CADPS2: variants seen among roughly 807,000 people sequenced by gnomAD.
CADPS2 encodes the protein calcium dependent secretion activator 2.
A neutral mutation model predicts 172.5 loss-of-function variants in CADPS2; 93 were observed. That is an observed-to-expected ratio of 0.54 (90% CI 0.46 to 0.64). The LOEUF is 0.64. Among genes scored for constraint, CADPS2 ranks in the 30% least tolerant of loss-of-function variants. The pLI, the probability that CADPS2 is intolerant of heterozygous loss-of-function variation, is 0.00. For missense variants in CADPS2, 1,420 were observed against 1,565.9 expected (o/e 0.91, Z 1.57); for synonymous variants, 546 against 555.2 (o/e 0.98, Z 0.23).
chr7:122,675,224 C>T (rs974889738), intron 2 of CADPS2, among the ~76,000 whole-genome samples: 1 of 152,180 alleles, frequency 6.6e-6, no homozygotes, highest in Non-Finnish European at 1.5e-5. Context: ...TCACACAAAA[C>T]GGAGTCCTCT....
chr7:122,594,783 T>C (rs2071484349), intron 6 of CADPS2, among the ~76,000 whole-genome samples: 1 of 151,692 alleles, frequency 6.6e-6, no homozygotes, highest in Non-Finnish European at 1.5e-5. Context: ...TGGCTTACAA[T>C]TTTACTTGAC....
chr7:122,870,251 G>T (rs1449092124), intron 1 of CADPS2, among the ~76,000 whole-genome samples: 2 of 151,972 alleles, frequency 1.3e-5, no homozygotes, highest in Non-Finnish European at 2.9e-5. Context: ...GATTCAAAGT[G>T]AAGGGAAGAA....
At chr7:122,757,011 C>A (rs931770882) in intron 1 of CADPS2, among the ~76,000 whole-genome samples, 6 of 152,140 alleles carry the variant, frequency 3.9e-5, no homozygotes, top group Non-Finnish European at 8.8e-5. Flanking sequence ...ACTCCACGGA[C>A]ACCTTTGACA....
chr7:122,839,463 A>G (rs1809690857), intron 1 of CADPS2, among the ~76,000 whole-genome samples: 1 of 152,226 alleles, frequency 6.6e-6, no homozygotes, highest in South Asian at 2.1e-4. Flanking sequence ...TCTGCACAGC[A>G]AAAGAAACTA....
At chr7:122,381,211 G>A (rs1389682759) in intron 24 of CADPS2, among the ~76,000 whole-genome samples, 2 of 152,112 alleles carry the variant, frequency 1.3e-5, no homozygotes, top group Non-Finnish European at 2.9e-5. Flanking sequence ...AATGAGCTCT[G>A]CCTGGCTCTC....
chr7:122,860,914 TTC>T (rs745822121), intron 1 of CADPS2, among the ~76,000 whole-genome samples: 19 of 152,348 alleles, frequency 1.2e-4, no homozygotes, highest in Non-Finnish European at 2.6e-4. Context: ...CAGAATTTCA[TTC>T]TTTTTAATAG....
At chr7:122,868,386 C>T (rs1818834282) in intron 1 of CADPS2, among the ~76,000 whole-genome samples, 1 of 152,086 alleles carries the variant, frequency 6.6e-6, no homozygotes, top group Admixed American at 6.6e-5. Flanking sequence ...TCCAGCTCTC[C>T]ACTTCTCAAA....
rs182822621 is a variant in CADPS2, at chr7:122,326,822, T to C, written c.3613-1241A>G. On this transcript the variant is annotated intron_variant, in intron 28 of 29. Coordinates refer to ENST00000449022, the MANE Select transcript of CADPS2 (RefSeq NM_017954.11). ...ATTTAGTTTAACAAGAAATGGTATT[T>C]TAAGTATAAATTAAAAATGAATTTT... Among the ~76,000 whole-genome samples, 555 of 152,196 alleles carry C rather than the reference T, an allele frequency of 3.6e-3. 3 individuals carry two copies. The highest frequency in any genetic ancestry group is 6.5e-3 in the Non-Finnish European group (441 of 67,916).
chr7:122,527,625 T>A (rs868185245), intron 8 of CADPS2, among the ~76,000 whole-genome samples: 12,153 of 101,518 alleles, frequency 0.12, 501 homozygotes, highest in African/African-American at 0.15. Flanking sequence ...AGAGTGTGTG[T>A]GTGTGTGTGT....
intron 1 of CADPS2, among the ~76,000 whole-genome samples, chr7:122,761,219 C>G (rs1175362523): frequency 3.3e-5 from 5 of 152,062 alleles, no homozygotes; most frequent in African/African-American, 9.7e-5. Context: ...AAGTGGGATG[C>G]AATACTGAAA....
intron 2 of CADPS2, among the ~76,000 whole-genome samples, chr7:122,706,801 C>T (rs7788214): frequency 0.99 from 146,818 of 148,152 alleles, 72,752 homozygotes; most frequent in Middle Eastern, 1. Flanking sequence ...TATATATATA[C>T]ACACACACAC....
chr7:122,878,820 T>C (rs1822059037), intron 1 of CADPS2, among the ~76,000 whole-genome samples: 1 of 152,196 alleles, frequency 6.6e-6, no homozygotes, highest in South Asian at 2.1e-4. Flanking sequence ...ATTTTCTTAC[T>C]ATATCCTCGG....
chr7:122,757,408 A>G (rs1416084099), intron 1 of CADPS2, among the ~76,000 whole-genome samples: 1 of 152,050 alleles, frequency 6.6e-6, no homozygotes, highest in African/African-American at 2.4e-5. Flanking sequence ...TCAGCCACCC[A>G]AAGTGCTGGG....
At chr7:122,579,838 A>C (rs1563762855) in intron 7 of CADPS2, among the ~76,000 whole-genome samples, 1 of 152,084 alleles carries the variant, frequency 6.6e-6, no homozygotes, top group Non-Finnish European at 1.5e-5. Context: ...TACACATATC[A>C]ATAAAATGGA....
At chr7:122,705,526 G>A (rs4727947) in intron 2 of CADPS2, among the ~76,000 whole-genome samples, 92,725 of 94,232 alleles carry the variant, frequency 0.98, 45,623 homozygotes, top group Non-Finnish European at 1. Context: ...TTTATATTGT[G>A]TATTATCTAT....
chr7:122,546,063 T>C (rs1223346745), intron 8 of CADPS2, among the ~76,000 whole-genome samples: 1 of 152,166 alleles, frequency 6.6e-6, no homozygotes, highest in Non-Finnish European at 1.5e-5. Flanking sequence ...CTTAAGGATA[T>C]AAATGAATGC....
chr7:122,450,546 T>G (rs2052941107), intron 15 of CADPS2, among the ~76,000 whole-genome samples: 1 of 140,304 alleles, frequency 7.1e-6, no homozygotes, highest in African/African-American at 2.9e-5. Context: ...TTTTTTTTTT[T>G]TGAGACAAGG....
intron 17 of CADPS2, among the ~76,000 whole-genome samples, chr7:122,428,469 ATAT>A (rs1431436914): frequency 0.018 from 2,257 of 124,898 alleles, 46 homozygotes; most frequent in African/African-American, 0.07. Context: ...ATATATATAT[ATAT>A]TTTTTTTTTT....
At chr7:122,682,397 G>A (rs953491232) in intron 2 of CADPS2, among the ~76,000 whole-genome samples, 2 of 152,188 alleles carry the variant, frequency 1.3e-5, no homozygotes, top group Non-Finnish European at 2.9e-5. Flanking sequence ...TTCATTCAAT[G>A]TGTTTCATGG....
Sources: gnomAD v4.1 joint callset for allele counts (sites outside exome capture counted in the v4.1 genomes callset) on GRCh38, gnomAD v4.1.1 for gene constraint, MANE v1.5 for transcripts, NCBI Gene and HGNC (gene_info 2026-07-23, HGNC 2026-07-21) for gene names.